Variants in HTATIP2 observed in about 807,000 individuals in gnomAD.
HTATIP2 encodes HIV-1 Tat interactive protein 2.
Under a neutral mutation model 24.7 loss-of-function variants are expected in HTATIP2, and 26 were observed. That is an observed-to-expected ratio of 1.05 (90% confidence interval 0.77 to 1.46). The LOEUF is 1.46. Among genes scored for constraint, HTATIP2 ranks in the 40% most tolerant of loss-of-function variants. The pLI is 0.00. For missense variants in HTATIP2, 284 were observed against 289.6 expected (o/e 0.98, Z 0.14); for synonymous variants, 99 against 113.2 (o/e 0.87, Z 0.79).
At chr11:20,375,197 C>T (rs1848425048) in intron 2 of HTATIP2, among the ~76,000 whole-genome samples, 1 of 152,002 alleles carries the variant, frequency 6.6e-6, no homozygotes, top group African/African-American at 2.4e-5. Flanking sequence ...TACCTTCTAA[C>T]ATTCTGTGAA....
chr11:20,365,173 G>A (rs941105717), intron 1 of HTATIP2, among the ~76,000 whole-genome samples: 12 of 151,930 alleles, frequency 7.9e-5, no homozygotes, highest in Admixed American at 3.3e-4. Flanking sequence ...TAGTAGAGAC[G>A]AGACAAGGTT....
chr11:20,383,091 C>G lies in HTATIP2; in HGVS notation c.615C>G (p.Thr205=). ...WASGHSVPVV[T]VVRAMLNNVV... The stretch of plus-strand genomic sequence containing the variant: ...GTGGGCATTCTGTGCCTGTGGTGAC[C>G]GTGGTTAGAGCAATGCTGAACAATG... The change falls in exon 5 of 5, where the codon ACC becomes ACG. Residue 205 remains threonine (T), a synonymous_variant. Transcript: ENST00000451739. 1.2e-6 allele frequency: 2 copies of G among 1,613,788 alleles called. No homozygotes were observed. The highest frequency in any genetic ancestry group is 1.7e-6 in the Non-Finnish European group (2 of 1,179,944).
chr11:20,366,428 T>G (rs1282176231), intron 1 of HTATIP2, among the ~76,000 whole-genome samples: 1 of 152,116 alleles, frequency 6.6e-6, no homozygotes, highest in African/African-American at 2.4e-5. Context: ...GCCAGAAAAA[T>G]TCTTTTCAGA....
chr11:20,369,150 G>A (rs2064744587), intron 2 of HTATIP2, among the ~76,000 whole-genome samples: 1 of 152,164 alleles, frequency 6.6e-6, no homozygotes, highest in African/African-American at 2.4e-5. Context: ...AGAGGTGACA[G>A]TTCATATGTG....
intron 2 of HTATIP2, 132 bp downstream of exon 2, chr11:20,367,413 T>C (rs2064723325): frequency 3.2e-6 from 5 of 1,556,578 alleles, no homozygotes; most frequent in Non-Finnish European, 3.5e-6. Flanking sequence ...TAAGATTCTA[T>C]ATGCTGCACT....
At chr11:20,366,634 G>A (rs974564195) in intron 1 of HTATIP2, among the ~76,000 whole-genome samples, 45 of 152,150 alleles carry the variant, frequency 3.0e-4, no homozygotes, top group African/African-American at 1.1e-3. Flanking sequence ...GTGGGATGTA[G>A]GAATATGCCT....
rs767298475 is a variant in HTATIP2, at chr11:20,376,715, AAGG to A, written c.440_441+1del. On this transcript the variant is annotated splice_donor_variant and coding_sequence_variant, in exon 3 of 5. Coordinates refer to ENST00000451739, the MANE Select transcript of HTATIP2 (RefSeq NM_001098522.2). LOFTEE classifies it high-confidence loss of function. ...AAGCAATTTTTTATATCTACAAGTT[AAGG>A]TTTGTGCAAGTTTCTGTTTTTCATA... 6.2e-7 allele frequency: 1 copy of A among 1,605,188 alleles called. No homozygotes were observed. The highest frequency in any genetic ancestry group is 1.8e-5 in the Admixed American group (1 of 56,884).
At chr11:20,368,190 G>GA (rs1277903374) in intron 2 of HTATIP2, among the ~76,000 whole-genome samples, 1 of 151,408 alleles carries the variant, frequency 6.6e-6, no homozygotes, top group Non-Finnish European at 1.5e-5. Context: ...CAAGAAAAAA[G>GA]AAAAAATATA....
chr11:20,364,814 A>G lies in HTATIP2; in HGVS notation c.195+382A>G, dbSNP rs138980114. 3.2e-4 allele frequency among the ~76,000 whole-genome samples: 48 copies of G among 152,214 alleles called. No homozygotes were observed. The East Asian group carries it at 9.1e-3, about 29-fold the overall frequency. Reference sequence around the variant, plus strand: ...TCTCAGCCACTTTGCTGATTTTGTCAACCTGCGCACTTCACACTAATATTG... The same window carrying G: ...TCTCAGCCACTTTGCTGATTTTGTCGACCTGCGCACTTCACACTAATATTG... On this transcript the variant is annotated intron_variant, in intron 1 of 4. Coordinates refer to ENST00000451739, the MANE Select transcript of HTATIP2 (RefSeq NM_001098522.2).
intron 2 of HTATIP2, 181 bp downstream of exon 2, chr11:20,367,462 C>A: frequency 1.4e-6 from 2 of 1,471,412 alleles, no homozygotes; most frequent in South Asian, 1.4e-5. Context: ...ATAAGTTCGT[C>A]TTTCAAAGTA....
intron 2 of HTATIP2, among the ~76,000 whole-genome samples, chr11:20,375,863 G>C (rs1467706117): frequency 6.6e-6 from 1 of 152,094 alleles, no homozygotes; most frequent in Non-Finnish European, 1.5e-5. Context: ...TTGCCACTTA[G>C]TTCTGTTTGT....
intron 2 of HTATIP2, among the ~76,000 whole-genome samples, chr11:20,373,021 G>A (rs1363584040): frequency 2.0e-5 from 3 of 152,164 alleles, no homozygotes; most frequent in Non-Finnish European, 2.9e-5. Context: ...TTGGAAAAAC[G>A]CGTATTTATA....
At chr11:20,373,118 G>A (rs2064788875) in intron 2 of HTATIP2, among the ~76,000 whole-genome samples, 1 of 152,174 alleles carries the variant, frequency 6.6e-6, no homozygotes, top group South Asian at 2.1e-4. Flanking sequence ...GCTTTGTCCA[G>A]AGAACAGCAA....
rs1848528445 is a variant in HTATIP2, at chr11:20,382,062, T to G, written c.442-116T>G. On this transcript the variant is annotated intron_variant, in intron 3 of 4. Transcript: ENST00000451739. ...CCTAAAATTCTAGATAAGGATATTT[T>G]GAGTATTGAGATCTGCAAAAGCAGA... The G allele has an allele frequency of 6.4e-6, 4 of 626,032 alleles. No homozygotes were observed. The South Asian group carries it at 8.2e-5, about 13-fold the overall frequency. 38.8% of individuals were successfully genotyped at this position (626,032 alleles called of 1,614,324 possible).
chr11:20,368,887 T>G (rs530006412), intron 2 of HTATIP2, among the ~76,000 whole-genome samples: 1 of 152,348 alleles, frequency 6.6e-6, no homozygotes, highest in South Asian at 2.1e-4. Flanking sequence ...CAATACCTTT[T>G]GTTCTCCTTT....
chr11:20,367,760 C>A, intron 2 of HTATIP2: 1 of 695,346 alleles, frequency 1.4e-6, no homozygotes. Context: ...CAGCCTCCAG[C>A]GATGACTCAG....
chr11:20,376,287 A>T, intron 2 of HTATIP2: 1 of 378,530 alleles, frequency 2.6e-6, no homozygotes. Context: ...TCTCAGCCTG[A>T]TCTTACTGTT....
intron 2 of HTATIP2, among the ~76,000 whole-genome samples, chr11:20,370,283 C>G (rs2064757681): frequency 6.6e-6 from 1 of 152,204 alleles, no homozygotes; most frequent in Non-Finnish European, 1.5e-5. Context: ...AAAACCAGAT[C>G]TGTATTGTCC....
chr11:20,382,877 T>C, intron 4 of HTATIP2, 103 bp from the exon 5 acceptor site: 2 of 763,418 alleles, frequency 2.6e-6, no homozygotes, highest in Admixed American at 2.7e-5. Flanking sequence ...AACATTAGAA[T>C]ATTGAGGGGA....
Sources: allele counts gnomAD v4.1 joint callset (sites outside exome capture counted in the v4.1 genomes callset), GRCh38; gene constraint gnomAD v4.1.1; transcripts MANE v1.5; gene names NCBI Gene and HGNC (gene_info 2026-07-23, HGNC 2026-07-21).